The following INTS14 variants were observed in gnomAD, a reference collection of about 807,000 sequenced individuals.
The protein encoded by INTS14 is UPF0464 protein C15orf44.
INTS14 carries 27 observed loss-of-function variants against 56.9 expected under a neutral mutation model. The ratio of observed to expected loss-of-function variants is 0.47; its 90% CI spans 0.35 to 0.65. INTS14 has a LOEUF of 0.65. Ranked by LOEUF, INTS14 falls within the 30% of genes least tolerant of loss-of-function variation. INTS14 has a pLI of 0.00. For missense variants in INTS14, 517 were observed against 632.2 expected (o/e 0.82, Z 1.95); for synonymous variants, 207 against 236.2 (o/e 0.88, Z 1.13).
At chr15:65,601,197 C>A (rs1288703243) in intron 3 of INTS14, among the ~76,000 whole-genome samples, 1 of 152,222 alleles carries the variant, frequency 6.6e-6, no homozygotes, top group Non-Finnish European at 1.5e-5. Flanking sequence ...AATATACCAA[C>A]AATGGATAGT....
At chr15:65,596,107 G>C (rs1031657182) in intron 6 of INTS14, among the ~76,000 whole-genome samples, 4 of 152,166 alleles carry the variant, frequency 2.6e-5, no homozygotes, top group African/African-American at 9.7e-5. Context: ...AAACTGAAAG[G>C]TCTAATCCCT....
chr15:65,609,193 T>A (rs998002184), intron 1 of INTS14, among the ~76,000 whole-genome samples: 2 of 152,186 alleles, frequency 1.3e-5, no homozygotes, highest in African/African-American at 4.8e-5. Flanking sequence ...GACCTCGTGA[T>A]CCACCTGCCT....
intron 6 of INTS14, among the ~76,000 whole-genome samples, chr15:65,597,663 A>G (rs1415406980): frequency 6.6e-6 from 1 of 152,220 alleles, no homozygotes; most frequent in East Asian, 1.9e-4. Flanking sequence ...TGCCTAGCCA[A>G]TAAGAACTAG....
intron 8 of INTS14, 67 bp from the exon 9 acceptor site, chr15:65,591,798 A>T: frequency 6.5e-7 from 1 of 1,545,932 alleles, no homozygotes; most frequent in Non-Finnish European, 8.7e-7. Flanking sequence ...AAATAAGTCT[A>T]GCCTGTATTT....
chr15:65,581,547 C>CAAAA lies in INTS14; in HGVS notation c.1305+403_1305+406dup, dbSNP rs57782914. On this transcript the variant is annotated intron_variant, in intron 11 of 11. Coordinates refer to ENST00000313182, the MANE Select transcript of INTS14 (RefSeq NM_001394796.1). ...TGGGCAACAGAGTGTGACTCCATCT[C>CAAAA]AAAAAAAAAAAAAAAAAAAAAAAAA... Among the ~76,000 whole-genome samples, 116 of 47,766 alleles carry CAAAA rather than the reference C, an allele frequency of 2.4e-3. 4 individuals are homozygous for CAAAA. The highest frequency in any genetic ancestry group is 7.2e-3 in the African/African-American group (86 of 11,934). 31.3% of individuals were successfully genotyped at this position (47,766 alleles called of 152,430 possible). A position where few individuals can be genotyped will look rare whatever the true frequency, so the allele number is the denominator to read the frequency against.
At chr15:65,593,281 T>A in intron 8 of INTS14, 147 bp downstream of exon 8, 2 of 929,922 alleles carry the variant, frequency 2.2e-6, no homozygotes, top group Non-Finnish European at 3.1e-6. Flanking sequence ...AAAAAAGGAC[T>A]GTAGTAGCAG....
At chr15:65,582,512 C>T (rs1290233000) in intron 10 of INTS14, among the ~76,000 whole-genome samples, 1 of 152,126 alleles carries the variant, frequency 6.6e-6, no homozygotes, top group Non-Finnish European at 1.5e-5. Flanking sequence ...GTAATCCTAG[C>T]TACTCAGGAG....
In INTS14 at chr15:65,611,091, C is replaced by A. The variant is rs956645154; in HGVS notation, c.-63+7G>T. On this transcript the variant is annotated splice_region_variant and intron_variant, in intron 1 of 11. Coordinates refer to ENST00000313182, the MANE Select transcript of INTS14 (RefSeq NM_001394796.1). The stretch of plus-strand genomic sequence containing the variant: ...GGCAGTCCCGGGCCCTCGGCCTCCC[C>A]ACTCACCCCGTGCCCATCGCCGGAC... The A allele has an allele frequency of 6.5e-7, 1 of 1,535,730 alleles. No individual in the cohort carries two copies. The highest frequency in any genetic ancestry group is 8.7e-7 in the Non-Finnish European group (1 of 1,146,624).
chr15:65,604,086 ATGTT>A (rs748333629), intron 3 of INTS14, among the ~76,000 whole-genome samples: 5 of 152,072 alleles, frequency 3.3e-5, no homozygotes, highest in African/African-American at 9.7e-5. Context: ...AACAGACTTT[ATGTT>A]TGTTTGTTTT....
chr15:65,607,325 A>G lies in INTS14; in HGVS notation c.56T>C (p.Ile19Thr), dbSNP rs752930272. The change falls in exon 2 of 12, where the codon ATT becomes ACT. Residue 19 changes from isoleucine (I) to threonine (T), a missense_variant. Ile to Thr is a moderately conservative substitution (Grantham distance 89). Transcript: ENST00000313182. ...ACGCTGGTATTCCTCGGACCCCTCA[A>G]TAGACACAGGTCGGGTCATGGAAAG... is the stretch of plus-strand genomic sequence containing the variant. Reference protein sequence around the residue: ...VSLSMTRPVSIEGSEEYQRKH... With the variant: ...VSLSMTRPVSTEGSEEYQRKH... The G allele has an allele frequency of 6.8e-6, 11 of 1,614,102 alleles. No individual in the cohort carries two copies. The South Asian group carries it at 9.9e-5, about 14-fold the overall frequency.
chr15:65,599,303 T>C (rs958308347), intron 4 of INTS14: 1 of 216,888 alleles, frequency 4.6e-6, no homozygotes, highest in African/African-American at 2.3e-5. Flanking sequence ...AGAACCATCA[T>C]TATCTACATT....
intron 6 of INTS14, among the ~76,000 whole-genome samples, chr15:65,597,972 T>C (rs1191125468): frequency 6.6e-6 from 1 of 152,036 alleles, no homozygotes; most frequent in Non-Finnish European, 1.5e-5. Context: ...CTAGTACAGG[T>C]TGAGTATCCC....
chr15:65,582,146 G>T, intron 10 of INTS14, 127 bp from the exon 11 acceptor site: 2 of 796,068 alleles, frequency 2.5e-6, no homozygotes, highest in Non-Finnish European at 3.9e-6. Flanking sequence ...TCAAGATGAG[G>T]ATCCCTTCTG....
chr15:65,588,845 T>C (rs2072924452), intron 9 of INTS14, among the ~76,000 whole-genome samples: 1 of 152,222 alleles, frequency 6.6e-6, no homozygotes, highest in Admixed American at 6.5e-5. Context: ...TTGTTATTTG[T>C]TATCATAATT....
At chr15:65,584,276 G>C (rs2072737786) in intron 10 of INTS14, among the ~76,000 whole-genome samples, 1 of 152,144 alleles carries the variant, frequency 6.6e-6, no homozygotes, top group South Asian at 2.1e-4. Flanking sequence ...TCTACTGAAG[G>C]GATGGAAGAA....
chr15:65,609,702 G>A (rs2073801991), intron 1 of INTS14, among the ~76,000 whole-genome samples: 1 of 152,128 alleles, frequency 6.6e-6, no homozygotes, highest in East Asian at 1.9e-4. Context: ...ACTCCCTCAC[G>A]TCTGCCCAGC....
At position 65,593,467 on chromosome 15, in the gene INTS14, C is replaced by T; in HGVS notation, c.947G>A (p.Ser316Asn). 1 of 1,613,576 alleles carries T rather than the reference C, an allele frequency of 6.2e-7. No homozygotes were observed. The highest frequency in any genetic ancestry group is 8.5e-7 in the Non-Finnish European group (1 of 1,179,756). ...IPNFCVLLHGSLKVEGMVAIV... is the reference protein window; with the variant it reads ...IPNFCVLLHGNLKVEGMVAIV... ...CGCTACCATTCCTTCCACTTTTAGGCTACCATGGAGCAGGACACAAAAGTT... is the reference window on the plus strand; with the variant it reads ...CGCTACCATTCCTTCCACTTTTAGGTTACCATGGAGCAGGACACAAAAGTT... Residue 316 changes from serine (S) to asparagine (N), a missense_variant, in exon 8 of 12, where the codon AGC becomes AAC. Coordinates refer to ENST00000313182, the MANE Select transcript of INTS14 (RefSeq NM_001394796.1).
At chr15:65,609,244 C>T (rs1303619438) in intron 1 of INTS14, among the ~76,000 whole-genome samples, 3 of 152,120 alleles carry the variant, frequency 2.0e-5, no homozygotes, top group Non-Finnish European at 1.5e-5. Flanking sequence ...TGAGCCACCG[C>T]GCCCAGCCAA....
intron 11 of INTS14, among the ~76,000 whole-genome samples, chr15:65,580,741 C>G (rs1335554741): frequency 1.3e-5 from 2 of 152,182 alleles, no homozygotes; most frequent in African/African-American, 4.8e-5. Flanking sequence ...ATACTTTATG[C>G]TGCACTTAAT....
Sources: allele counts gnomAD v4.1 joint callset (sites outside exome capture counted in the v4.1 genomes callset), GRCh38; gene constraint gnomAD v4.1.1; transcripts MANE v1.5; gene names NCBI Gene and HGNC (gene_info 2026-07-23, HGNC 2026-07-21).